The following OSBPL9 variants were observed in gnomAD, a reference collection of about 807,000 sequenced individuals.
The protein encoded by OSBPL9 is oxysterol-binding protein-related protein 9.
A neutral mutation model predicts 106.6 loss-of-function variants in OSBPL9; 40 were observed. The observed-to-expected ratio is 0.38, with a 90% CI of 0.29 to 0.49. The LOEUF is 0.49. OSBPL9 is among the 20% of genes least tolerant of loss of function. OSBPL9 has a pLI of 0.97. For missense variants in OSBPL9, 609 were observed against 887.2 expected (o/e 0.69, Z 3.98); for synonymous variants, 269 against 295.4 (o/e 0.91, Z 0.92).
chr1:51,595,047 G>A (rs1557578972), intron 1 of OSBPL9: 1 of 152,752 alleles, frequency 6.5e-6, no homozygotes, highest in Non-Finnish European at 1.5e-5. Flanking sequence ...CTTCTACCTT[G>A]ACCCAGGGGC....
chr1:51,615,496 AG>A (rs1012294431), upstream of OSBPL9, among the ~76,000 whole-genome samples: 129 of 152,218 alleles, frequency 8.5e-4, no homozygotes, highest in African/African-American at 3.0e-3. Flanking sequence ...ACACAAAAAG[AG>A]GTCTCAATCT....
intron 1 of OSBPL9, among the ~76,000 whole-genome samples, chr1:51,625,442 A>T (rs1284701993): frequency 6.6e-6 from 1 of 152,200 alleles, no homozygotes; most frequent in Non-Finnish European, 1.5e-5. Flanking sequence ...TTTACTGTTT[A>T]TAGAGAAATA....
intron 4 of OSBPL9, among the ~76,000 whole-genome samples, chr1:51,737,377 A>G (rs1468092865): frequency 6.6e-6 from 1 of 152,126 alleles, no homozygotes; most frequent in East Asian, 1.9e-4. Context: ...AAAGCTTTTG[A>G]ATGTAAATTA....
chr1:51,645,731 G>A (rs1384327762), intron 1 of OSBPL9, among the ~76,000 whole-genome samples: 5 of 151,918 alleles, frequency 3.3e-5, no homozygotes, highest in African/African-American at 7.3e-5. Context: ...TTATACCTAC[G>A]TTTTTACCTA....
At chr1:51,673,978 T>G (rs1481608776) in intron 3 of OSBPL9, among the ~76,000 whole-genome samples, 2 of 151,866 alleles carry the variant, frequency 1.3e-5, no homozygotes, top group South Asian at 2.1e-4. Flanking sequence ...TGCTCTTGGC[T>G]TGGCTTACTG....
intron 1 of OSBPL9, among the ~76,000 whole-genome samples, chr1:51,628,685 T>TA: frequency 7.5e-6 from 1 of 133,980 alleles, no homozygotes; most frequent in Admixed American, 7.4e-5. Context: ...TCTTTTTTTC[T>TA]TTTTTTTTTT....
At chr1:51,668,744 C>G (rs192827360) in intron 2 of OSBPL9, among the ~76,000 whole-genome samples, 7 of 152,250 alleles carry the variant, frequency 4.6e-5, no homozygotes, top group Non-Finnish European at 4.4e-5. Context: ...GCCCACCCCC[C>G]AGTTTGGAGA....
chr1:51,739,391 T>C lies in OSBPL9; in HGVS notation c.319-6145T>C, dbSNP rs557796496. Among the ~76,000 whole-genome samples, 11 of 152,088 alleles carry C rather than the reference T, an allele frequency of 7.2e-5. No homozygotes were observed. In the East Asian group the frequency reaches 1.5e-3, roughly 21 times the overall value. On this transcript the variant is annotated intron_variant, in intron 4 of 23. Coordinates refer to ENST00000428468, the MANE Select transcript of OSBPL9 (RefSeq NM_024586.6). Reference sequence around the variant, plus strand: ...ACCTAATACTCTGAAAAAAATTTAATATACATTGTGCATCCATGATGTTAG... The same window carrying C: ...ACCTAATACTCTGAAAAAAATTTAACATACATTGTGCATCCATGATGTTAG...
At chr1:51,786,478 G>A (rs375155535) in intron 21 of OSBPL9, 48 bp from the exon 22 acceptor site, 2 of 1,285,474 alleles carry the variant, frequency 1.6e-6, no homozygotes, top group African/African-American at 1.5e-5. Flanking sequence ...CTAACATTAG[G>A]TTAGGGGTTT....
chr1:51,567,011 T>C, the OSBPL9 span, among the ~76,000 whole-genome samples: 3 of 152,198 alleles, frequency 2.0e-5, no homozygotes, highest in African/African-American at 7.2e-5. Flanking sequence ...GGTTCCTGCC[T>C]CTCTCCATGC....
chr1:51,556,562 G>GGAGGCC, the OSBPL9 span, among the ~76,000 whole-genome samples: 1 of 151,908 alleles, frequency 6.6e-6, no homozygotes, highest in African/African-American at 2.4e-5. Flanking sequence ...CAGAACTTTG[G>GGAGGCC]GAGGCCGAGG....
At chr1:51,586,579 C>T (rs1467442339) in intron 1 of OSBPL9, among the ~76,000 whole-genome samples, 5 of 151,964 alleles carry the variant, frequency 3.3e-5, no homozygotes, top group African/African-American at 1.2e-4. Flanking sequence ...AAAAGAAATC[C>T]TAGGAAGGGA....
chr1:51,603,648 T>G (rs774603969), intron 2 of OSBPL9, among the ~76,000 whole-genome samples: 4 of 152,238 alleles, frequency 2.6e-5, no homozygotes, highest in Non-Finnish European at 2.9e-5. Context: ...AGTTGTATTA[T>G]TCTGCGCCAA....
chr1:51,756,436 T>C, intron 9 of OSBPL9, 78 bp downstream of exon 9: 1 of 1,366,756 alleles, frequency 7.3e-7, no homozygotes, highest in Non-Finnish European at 1.0e-6. Flanking sequence ...GAAGCCTGAA[T>C]TACTACTCAT....
intron 1 of OSBPL9, among the ~76,000 whole-genome samples, chr1:51,596,688 G>A (rs1319730225): frequency 6.6e-6 from 1 of 152,172 alleles, no homozygotes; most frequent in Non-Finnish European, 1.5e-5. Flanking sequence ...GCTGAGGCAG[G>A]AGAATTGCTT....
chr1:51,555,973 T>C, the OSBPL9 span, among the ~76,000 whole-genome samples: 5 of 152,240 alleles, frequency 3.3e-5, no homozygotes, highest in Admixed American at 3.3e-4. Flanking sequence ...ATCCATCATA[T>C]GTAATATTTT....
At chr1:51,569,090 A>G in the OSBPL9 span, among the ~76,000 whole-genome samples, 2 of 152,322 alleles carry the variant, frequency 1.3e-5, no homozygotes, top group African/African-American at 2.4e-5. Flanking sequence ...TGCTTAAGTA[A>G]GATCTGGACT....
In OSBPL9 at chr1:51,704,764, C is replaced by T. The variant is rs566036635; in HGVS notation, c.242-9239C>T. On this transcript the variant is annotated intron_variant, in intron 3 of 23. Transcript: ENST00000428468. ...CTACCTTCATGACCTAATTATCTCC[C>T]GCAGGTCTCACCTCCTAATACTATG... Among the ~76,000 whole-genome samples the T allele has an allele frequency of 8.7e-4, 133 of 152,220 alleles. 1 individual carries two copies. The highest frequency in any genetic ancestry group is 1.1e-3 in the Admixed American group (17 of 15,292).
upstream of OSBPL9, chr1:51,574,197 C>T (rs1018508538): frequency 2.0e-5 from 3 of 152,190 alleles, no homozygotes; most frequent in African/African-American, 2.4e-5. Context: ...CTGAATCCCA[C>T]TATTTGTGTA....
Sources: allele counts gnomAD v4.1 joint callset (sites outside exome capture counted in the v4.1 genomes callset), GRCh38; gene constraint gnomAD v4.1.1; transcripts MANE v1.5; gene names NCBI Gene and HGNC (gene_info 2026-07-23, HGNC 2026-07-21).